The following NLGN1 variants were observed in gnomAD, a reference collection of about 807,000 sequenced individuals.
NLGN1 encodes the protein neuroligin 1.
NLGN1 carries 12 observed loss-of-function variants against 65.5 expected under a neutral mutation model. The ratio of observed to expected loss-of-function variants is 0.18; its 90% CI spans 0.12 to 0.30. The LOEUF (loss-of-function observed/expected upper bound fraction) is 0.30. NLGN1 is among the 10% of genes least tolerant of loss of function. NLGN1 has a pLI of 1.00. For missense variants in NLGN1, 750 were observed against 1,007.1 expected (o/e 0.74, Z 3.46); for synonymous variants, 350 against 359.5 (o/e 0.97, Z 0.30).
chr3:173,450,307 C>T (rs1348014098), intron 2 of NLGN1, among the ~76,000 whole-genome samples: 1 of 152,090 alleles, frequency 6.6e-6, no homozygotes, highest in African/African-American at 2.4e-5. Context: ...TATTTTATTT[C>T]TCCTTCACTT....
At chr3:173,667,792 G>T (rs1761919944) in intron 3 of NLGN1, among the ~76,000 whole-genome samples, 1 of 151,956 alleles carries the variant, frequency 6.6e-6, no homozygotes, top group Non-Finnish European at 1.5e-5. Context: ...ACCACGCCTG[G>T]CTCACTTTTG....
intron 4 of NLGN1, among the ~76,000 whole-genome samples, chr3:174,239,821 A>G (rs779174967): frequency 6.6e-6 from 1 of 152,196 alleles, no homozygotes; most frequent in Non-Finnish European, 1.5e-5. Flanking sequence ...TATTTTGACC[A>G]ACTGCAGGGA....
At chr3:173,650,026 TA>T (rs1393642920) in intron 3 of NLGN1, among the ~76,000 whole-genome samples, 1 of 152,150 alleles carries the variant, frequency 6.6e-6, no homozygotes, top group Non-Finnish European at 1.5e-5. Flanking sequence ...TTATATTTTT[TA>T]TATTTGCATA....
intron 3 of NLGN1, among the ~76,000 whole-genome samples, chr3:173,729,676 A>G (rs1390130887): frequency 6.6e-6 from 1 of 152,108 alleles, no homozygotes; most frequent in African/African-American, 2.4e-5. Flanking sequence ...TTTAATTTTT[A>G]CGGAGAAATA....
At chr3:174,174,706 T>C (rs1049322201) in intron 4 of NLGN1, among the ~76,000 whole-genome samples, 1 of 151,988 alleles carries the variant, frequency 6.6e-6, no homozygotes, top group African/African-American at 2.4e-5. Context: ...GAGTTCTTTG[T>C]AGATTCTGGG....
intron 4 of NLGN1, among the ~76,000 whole-genome samples, chr3:173,908,033 C>G (rs1025285214): frequency 2.0e-5 from 3 of 152,188 alleles, no homozygotes; most frequent in Admixed American, 2.0e-4. Flanking sequence ...TGCTTTATCT[C>G]TTTTACCTTT....
chr3:173,847,796 G>A (rs570920423), intron 4 of NLGN1, among the ~76,000 whole-genome samples: 16 of 152,080 alleles, frequency 1.1e-4, no homozygotes, highest in South Asian at 2.1e-4. Flanking sequence ...CACTTGAACC[G>A]GGGAGGCAGA....
At chr3:174,272,364 G>A (rs999040373) in intron 4 of NLGN1, among the ~76,000 whole-genome samples, 1 of 151,652 alleles carries the variant, frequency 6.6e-6, no homozygotes, top group South Asian at 2.1e-4. Context: ...TGCTGTCAAT[G>A]TACATCACTT....
chr3:173,767,870 T>A (rs1779005896), intron 3 of NLGN1, among the ~76,000 whole-genome samples: 1 of 152,140 alleles, frequency 6.6e-6, no homozygotes, highest in Admixed American at 6.5e-5. Flanking sequence ...AAAATTCGTA[T>A]TTTGATGCAA....
At chr3:173,439,305 T>A (rs1423792034) in intron 2 of NLGN1, among the ~76,000 whole-genome samples, 2 of 152,158 alleles carry the variant, frequency 1.3e-5, no homozygotes, top group Non-Finnish European at 2.9e-5. Flanking sequence ...TATTAACAAA[T>A]GGTTATAAAC....
chr3:173,934,902 T>G (rs1744774532), intron 4 of NLGN1, among the ~76,000 whole-genome samples: 2 of 152,042 alleles, frequency 1.3e-5, no homozygotes, highest in Admixed American at 1.3e-4. Flanking sequence ...TGTGGCAAAT[T>G]TCTTAATAAA....
intron 4 of NLGN1, among the ~76,000 whole-genome samples, chr3:174,016,907 G>T (rs963353852): frequency 2.0e-5 from 3 of 152,056 alleles, no homozygotes; most frequent in African/African-American, 4.8e-5. Flanking sequence ...CATTGGATTG[G>T]GTTGAGAAAG....
intron 2 of NLGN1, among the ~76,000 whole-genome samples, chr3:173,493,182 A>T (rs954271405): frequency 6.6e-6 from 1 of 151,846 alleles, no homozygotes; most frequent in Non-Finnish European, 1.5e-5. Context: ...ATTGAAGTTC[A>T]GCAACATTAA....
At chr3:173,728,036 G>A (rs904031926) in intron 3 of NLGN1, among the ~76,000 whole-genome samples, 1 of 152,048 alleles carries the variant, frequency 6.6e-6, no homozygotes, top group Non-Finnish European at 1.5e-5. Flanking sequence ...AATATGAACT[G>A]ATATGAAAAA....
intron 3 of NLGN1, among the ~76,000 whole-genome samples, chr3:173,646,873 A>G (rs1383079511): frequency 1.3e-5 from 2 of 152,216 alleles, no homozygotes; most frequent in Non-Finnish European, 2.9e-5. Flanking sequence ...TGTTTTAAAC[A>G]TTTCCATTTA....
chr3:173,841,107 A>G (rs1256618934), intron 4 of NLGN1, among the ~76,000 whole-genome samples: 1 of 148,438 alleles, frequency 6.7e-6, no homozygotes, highest in African/African-American at 2.6e-5. Context: ...AATACTTTAA[A>G]ACTCTACCAA....
chr3:174,091,176 C>T (rs1744442505), intron 4 of NLGN1, among the ~76,000 whole-genome samples: 1 of 152,134 alleles, frequency 6.6e-6, no homozygotes, highest in Non-Finnish European at 1.5e-5. Context: ...GAGTTAATCT[C>T]TAATCAGTCT....
intron 1 of NLGN1, among the ~76,000 whole-genome samples, chr3:173,421,452 TTC>T (rs1251061660): frequency 2.0e-5 from 3 of 151,696 alleles, no homozygotes; most frequent in Non-Finnish European, 4.4e-5. Flanking sequence ...TTTTCAGTTT[TTC>T]TCAGGTATTC....
intron 3 of NLGN1, among the ~76,000 whole-genome samples, chr3:173,633,868 C>G (rs369119143): frequency 6.6e-6 from 1 of 152,020 alleles, no homozygotes; most frequent in Non-Finnish European, 1.5e-5. Flanking sequence ...TTTCCATAAC[C>G]CTTTCTGATC....
Sources: gnomAD v4.1 joint callset for allele counts (sites outside exome capture counted in the v4.1 genomes callset) on GRCh38, gnomAD v4.1.1 for gene constraint, MANE v1.5 for transcripts, NCBI Gene and HGNC (gene_info 2026-07-23, HGNC 2026-07-21) for gene names.